The following CLYBL variants were observed in gnomAD, a reference collection of about 807,000 sequenced individuals.
CLYBL encodes citramalyl-CoA lyase.
A neutral mutation model predicts 38.9 loss-of-function variants in CLYBL; 31 were observed. The observed-to-expected ratio is 0.80, with a 90% CI of 0.60 to 1.08. The LOEUF (loss-of-function observed/expected upper bound fraction) is 1.08. Among genes scored for constraint, CLYBL ranks in the 50% least tolerant of loss-of-function variants. The pLI is 0.00. For synonymous variants in CLYBL, 171 were observed against 158.6 expected (o/e 1.08, Z -0.59); for missense variants, 434 against 411.6 (o/e 1.05, Z -0.47).
intron 1 of CLYBL, among the ~76,000 whole-genome samples, chr13:99,751,319 C>T (rs1176849339): frequency 6.6e-6 from 1 of 151,858 alleles, no homozygotes; most frequent in Non-Finnish European, 1.5e-5. Flanking sequence ...CTCTCGGGTT[C>T]AAGTGATTCT....
intron 2 of CLYBL, among the ~76,000 whole-genome samples, chr13:99,800,903 A>AC (rs1282400258): frequency 9.0e-5 from 12 of 133,268 alleles, no homozygotes; most frequent in African/African-American, 3.0e-4. Context: ...ACAAAAAAAA[A>AC]AAACAAAAAA....
At chr13:99,745,888 G>A (rs1412987453) in intron 1 of CLYBL, among the ~76,000 whole-genome samples, 27 of 147,738 alleles carry the variant, frequency 1.8e-4, no homozygotes, top group South Asian at 2.1e-4. Context: ...TGGCTAAATA[G>A]AAAAAAAAAA....
intron 1 of CLYBL, among the ~76,000 whole-genome samples, chr13:99,683,823 TATC>T (rs1331073798): frequency 6.6e-5 from 10 of 151,570 alleles, no homozygotes; most frequent in Admixed American, 1.3e-4. Flanking sequence ...CATTTATTAT[TATC>T]AAGTATTATG....
At chr13:99,804,596 C>T (rs2050195622) in intron 2 of CLYBL, among the ~76,000 whole-genome samples, 1 of 152,144 alleles carries the variant, frequency 6.6e-6, no homozygotes, top group African/African-American at 2.4e-5. Flanking sequence ...GTCTTCCTGT[C>T]TCGCCTGCCT....
intron 1 of CLYBL, among the ~76,000 whole-genome samples, chr13:99,659,658 C>T (rs1335720666): frequency 6.6e-6 from 1 of 151,994 alleles, no homozygotes; most frequent in African/African-American, 2.4e-5. Context: ...CTAAAACATC[C>T]GGGAGTAGTT....
intron 2 of CLYBL, among the ~76,000 whole-genome samples, chr13:99,790,871 A>C (rs773916663): frequency 4.6e-4 from 70 of 152,130 alleles, no homozygotes; most frequent in Middle Eastern, 3.4e-3. Flanking sequence ...ATGACTTTTC[A>C]TTTCTAGGTA....
intron 1 of CLYBL, among the ~76,000 whole-genome samples, chr13:99,701,468 C>A (rs539988867): frequency 1.6e-4 from 24 of 151,794 alleles, no homozygotes; most frequent in African/African-American, 5.8e-4. Context: ...CCTGCCACCA[C>A]GCCTGGCTAA....
At chr13:99,768,460 T>C (rs1414356203) in intron 1 of CLYBL, among the ~76,000 whole-genome samples, 1 of 148,738 alleles carries the variant, frequency 6.7e-6, no homozygotes, top group African/African-American at 2.5e-5. Context: ...CCCAAAGTGC[T>C]GGGATTACAG....
intron 2 of CLYBL, among the ~76,000 whole-genome samples, chr13:99,829,687 A>G (rs1381045459): frequency 1.3e-5 from 2 of 152,230 alleles, no homozygotes; most frequent in Non-Finnish European, 2.9e-5. Flanking sequence ...TAAAGTAGGG[A>G]CATTAGCTCC....
intron 2 of CLYBL, among the ~76,000 whole-genome samples, chr13:99,809,024 G>A (rs907406823): frequency 2.0e-5 from 3 of 152,140 alleles, no homozygotes; most frequent in Non-Finnish European, 4.4e-5. Context: ...ATGGCTGGGG[G>A]AGGTGGGGTG....
At chr13:99,658,512 C>T (rs1293715265) in intron 1 of CLYBL, among the ~76,000 whole-genome samples, 1 of 152,196 alleles carries the variant, frequency 6.6e-6, no homozygotes, top group African/African-American at 2.4e-5. Flanking sequence ...GTCCCTCTCC[C>T]CCACGCCGGC....
intron 2 of CLYBL, among the ~76,000 whole-genome samples, chr13:99,793,901 A>G (rs2049970258): frequency 6.6e-6 from 1 of 151,294 alleles, no homozygotes; most frequent in African/African-American, 2.4e-5. Context: ...AAAAAAAAAA[A>G]GAAAGAAAAT....
Position 99,847,806 on chromosome 13 carries a change from G to A in CLYBL, c.250-11055G>A, listed in dbSNP as rs143366865. On this transcript the variant is annotated intron_variant, in intron 2 of 8. Coordinates refer to ENST00000339105, the MANE Select transcript of CLYBL (RefSeq NM_206808.5). ...ATGGATCCTCCCGAAGGCAGGCAGG[G>A]CTGCAGGGCAGCTTCTCAGAGATAC... Among the ~76,000 whole-genome samples, 182 of 152,340 alleles carry A rather than the reference G, an allele frequency of 1.2e-3. 1 individual carries two copies. Among genetic ancestry groups the A allele is most frequent in the African/African-American group, 3.7e-3 (152 of 41,584 alleles).
rs566171540 is a variant in CLYBL at position 99,723,539 on chromosome 13, A to C, written c.63-49285A>C. Among the ~76,000 whole-genome samples, 75 of 152,332 alleles carry C rather than the reference A, an allele frequency of 4.9e-4. 1 individual carries two copies. The highest frequency in any genetic ancestry group is 8.8e-4 in the Non-Finnish European group (60 of 68,022). On this transcript the variant is annotated intron_variant, in intron 1 of 8. Coordinates refer to ENST00000339105, the MANE Select transcript of CLYBL (RefSeq NM_206808.5). ...GAAAACCAATCTGAAATTTAGATTA[A>C]ATAGGGCTGTAATCGTAATGTGAGT...
At chr13:99,756,552 T>C (rs2049065808) in intron 1 of CLYBL, among the ~76,000 whole-genome samples, 1 of 152,222 alleles carries the variant, frequency 6.6e-6, no homozygotes, top group Non-Finnish European at 1.5e-5. Flanking sequence ...CAGCTTTGAA[T>C]GTGGCCCAAC....
chr13:99,699,484 G>A (rs375929221), intron 1 of CLYBL, among the ~76,000 whole-genome samples: 7 of 151,950 alleles, frequency 4.6e-5, no homozygotes, highest in African/African-American at 1.7e-4. Flanking sequence ...ACGAGGTCAG[G>A]AGTTCGAGAC....
At chr13:99,860,169 G>A (rs1034268139) in intron 3 of CLYBL, among the ~76,000 whole-genome samples, 10 of 152,048 alleles carry the variant, frequency 6.6e-5, no homozygotes, top group East Asian at 1.9e-4. Context: ...TTGAAGACTC[G>A]GGACTCACTG....
At chr13:99,816,146 A>G (rs1413263381) in intron 2 of CLYBL, among the ~76,000 whole-genome samples, 2 of 152,218 alleles carry the variant, frequency 1.3e-5, no homozygotes, top group African/African-American at 4.8e-5. Flanking sequence ...TCTTTTTCAC[A>G]TTGTCCAGTC....
At chr13:99,870,054 T>C (rs745364599) in intron 6 of CLYBL, among the ~76,000 whole-genome samples, 15 of 152,134 alleles carry the variant, frequency 9.9e-5, no homozygotes, top group Non-Finnish European at 1.5e-4. Flanking sequence ...GTGTGATGTT[T>C]TCATTTAAAA....
Sources: allele counts gnomAD v4.1 joint callset (sites outside exome capture counted in the v4.1 genomes callset), GRCh38; gene constraint gnomAD v4.1.1; transcripts MANE v1.5; gene names NCBI Gene and HGNC (gene_info 2026-07-23, HGNC 2026-07-21).